Variants in PAN3 observed in about 807,000 individuals in gnomAD.
PAN3 encodes the protein PAN2-PAN3 deadenylation complex subunit PAN3.
In PAN3, 19 loss-of-function variants were observed where a neutral mutation model predicts 96.2. The ratio of observed to expected loss-of-function variants is 0.20; its 90% CI spans 0.14 to 0.29. The LOEUF (loss-of-function observed/expected upper bound fraction) is 0.29. Ranked by LOEUF, PAN3 falls within the 10% of genes least tolerant of loss-of-function variation. The probability of loss-of-function intolerance (pLI) is 1.00; values close to 1 mark genes in which losing one functional copy is unlikely to be tolerated. For synonymous variants in PAN3, 433 were observed against 406.6 expected (o/e 1.06, Z -0.78); for missense variants, 882 against 1,108.1 (o/e 0.80, Z 2.90).
At chr13:28,154,294 A>C (rs911409709) in intron 1 of PAN3, among the ~76,000 whole-genome samples, 1 of 152,146 alleles carries the variant, frequency 6.6e-6, no homozygotes, top group Non-Finnish European at 1.5e-5. Context: ...AAAATAGTGT[A>C]CTGTATACAC....
At chr13:28,275,275 C>T (rs1359921865) in intron 14 of PAN3, among the ~76,000 whole-genome samples, 4 of 152,052 alleles carry the variant, frequency 2.6e-5, no homozygotes, top group South Asian at 2.1e-4. Flanking sequence ...ACCTTGAGTC[C>T]GCTTTAGAGA....
intron 2 of PAN3, among the ~76,000 whole-genome samples, chr13:28,174,632 G>A (rs970295034): frequency 6.6e-6 from 1 of 152,124 alleles, no homozygotes; most frequent in South Asian, 2.1e-4. Flanking sequence ...GGTAGTTAGA[G>A]ACTAATTTCA....
In PAN3 at chr13:28,270,571, A is replaced by G. The variant is rs138606822; in HGVS notation, c.1793-130A>G. On this transcript the variant is annotated intron_variant, in intron 12 of 18. Coordinates refer to ENST00000380958, the MANE Select transcript of PAN3 (RefSeq NM_175854.8). ...AAACTTAAATTACACACATACATAC[A>G]CACACATATATAAATTGACATGTTG... 4.8e-3 allele frequency: 4,329 copies of G among 910,710 alleles called. 22 individuals carry two copies. Among genetic ancestry groups the G allele is most frequent in the South Asian group, 6.8e-3 (362 of 52,978 alleles). The allele number at this position is 910,710 out of a possible 1,614,324, so 56.4% of individuals were successfully genotyped here.
rs71086840 is a variant in PAN3 at position 28,239,162 on chromosome 13, A to AACACACACACAC, written c.1001-17115_1001-17104dup. Among the ~76,000 whole-genome samples, 345 of 76,814 alleles carry AACACACACACAC rather than the reference A, an allele frequency of 4.5e-3. 6 individuals carry two copies. Among genetic ancestry groups the AACACACACACAC allele is most frequent in the Non-Finnish European group, 4.4e-3 (182 of 41,440 alleles). The allele number at this position is 76,814 out of a possible 152,430, so 50.4% of individuals were successfully genotyped here. ...ACCCCCCCCACCCCCCACCCCCGCCAACACACACACACACACACACACACA... is the reference window on the plus strand; with the variant it reads ...ACCCCCCCCACCCCCCACCCCCGCCAACACACACACACACACACACACACACACACACACACA... On this transcript the variant is annotated intron_variant, in intron 6 of 18. Coordinates refer to ENST00000380958, the MANE Select transcript of PAN3 (RefSeq NM_175854.8).
At position 28,272,058 on chromosome 13, in the gene PAN3, T is replaced by C; in HGVS notation, c.2036T>C (p.Met679Thr). 6.4e-7 allele frequency: 1 copy of C among 1,573,608 alleles called. No individual in the cohort carries two copies. Among genetic ancestry groups the C allele is most frequent in the African/African-American group, 1.4e-5 (1 of 73,968 alleles). Residue 679 changes from methionine to threonine, a missense_variant, in exon 14 of 19, where the codon ATG becomes ACG. Met to Thr is a moderately conservative substitution (Grantham distance 81). Around this residue, in one of 3 missense-constraint regions of PAN3, gnomAD observed 364 missense variants for 513.6 expected, o/e 0.71. Transcript: ENST00000380958. ...NSQNNNPLAL[M>T]AQYQQADLIS... ...CAAAATAATAATCCATTGGCATTAATGGCCCAGTACCAGGTGAGTAAGAAT... is the reference window on the plus strand; with the variant it reads ...CAAAATAATAATCCATTGGCATTAACGGCCCAGTACCAGGTGAGTAAGAAT...
At chr13:28,246,794 G>A (rs1437780081) in intron 6 of PAN3, among the ~76,000 whole-genome samples, 3 of 151,982 alleles carry the variant, frequency 2.0e-5, no homozygotes, top group African/African-American at 7.2e-5. Flanking sequence ...TCTATTGTAT[G>A]TATGTACCAC....
intron 1 of PAN3, among the ~76,000 whole-genome samples, chr13:28,140,468 C>T (rs1369186124): frequency 6.6e-6 from 1 of 152,170 alleles, no homozygotes; most frequent in Non-Finnish European, 1.5e-5. Flanking sequence ...TTTTCTTAAA[C>T]ACTGTTAATG....
At chr13:28,141,504 G>T (rs1322663755) in intron 1 of PAN3, among the ~76,000 whole-genome samples, 91 of 54,988 alleles carry the variant, frequency 1.7e-3, no homozygotes, top group Middle Eastern at 0.04. Flanking sequence ...TTTCACTCTT[G>T]TTTACGAGGC....
intron 4 of PAN3, among the ~76,000 whole-genome samples, chr13:28,194,471 T>A (rs1441162982): frequency 0.047 from 5,474 of 117,236 alleles, 66 homozygotes; most frequent in African/African-American, 0.082. Flanking sequence ...TATATATTTT[T>A]TTTTTTTTTT....
intron 15 of PAN3, among the ~76,000 whole-genome samples, chr13:28,279,570 C>T (rs898185462): frequency 1.3e-5 from 2 of 151,614 alleles, no homozygotes; most frequent in African/African-American, 4.8e-5. Flanking sequence ...CCATCCTGGC[C>T]AACATGGTGA....
rs1437181173 is a variant in PAN3, at chr13:28,176,371, A to G, written c.553-122A>G. On this transcript the variant is annotated intron_variant, in intron 2 of 18. Transcript: ENST00000380958. ...GCAGTAACACTTACAGGAAGATTAG[A>G]TTGTCAGTAATGTGAACAGTAGATT... is the stretch of plus-strand genomic sequence containing the variant. The G allele has an allele frequency of 7.1e-6, 6 of 844,746 alleles. No homozygotes were observed. In the East Asian group the frequency reaches 1.0e-4, roughly 14 times the overall value. The allele number at this position is 844,746 out of a possible 1,614,324, so 52.3% of individuals were successfully genotyped here.
rs1319028547 is a variant in PAN3 at position 28,288,394 on chromosome 13, G to A, written c.2523+272G>A. Among the ~76,000 whole-genome samples the A allele has an allele frequency of 2.0e-5, 3 of 152,094 alleles. No homozygotes were observed. In the South Asian group the frequency reaches 6.2e-4, roughly 31 times the overall value. On this transcript the variant is annotated intron_variant, in intron 18 of 18. Coordinates refer to ENST00000380958, the MANE Select transcript of PAN3 (RefSeq NM_175854.8). The stretch of plus-strand genomic sequence containing the variant: ...GGCTCACTGCAACCTCTGCCTCCCG[G>A]GTTCAAGTGATTCTCCTGCCTGAGC...
intron 7 of PAN3, among the ~76,000 whole-genome samples, chr13:28,257,847 A>G (rs1196733621): frequency 2.7e-5 from 4 of 148,332 alleles, no homozygotes; most frequent in African/African-American, 5.0e-5. Context: ...GATGTTCGCT[A>G]TTTCACCCAG....
In PAN3 at chr13:28,174,299, C is replaced by T; in HGVS notation, c.458C>T (p.Thr153Ile). Residue 153 changes from threonine to isoleucine, a missense_variant, in exon 2 of 19, where the codon ACT (threonine) becomes ATT (isoleucine). Coordinates refer to ENST00000380958, the MANE Select transcript of PAN3 (RefSeq NM_175854.8). ...AIPGMDGGAL[T>I]DTSLTDSYFS... is the part of the protein sequence containing the mutation. The stretch of plus-strand genomic sequence containing the variant: ...CCAGGAATGGATGGAGGTGCTTTAA[C>T]TGATACAAGTCTCACAGATTCCTAT... 1.2e-6 allele frequency: 2 copies of T among 1,612,792 alleles called. No individual in the cohort carries two copies. The highest frequency in any genetic ancestry group is 1.7e-6 in the Non-Finnish European group (2 of 1,178,896).
chr13:28,172,811 C>G lies in PAN3; in HGVS notation c.431-1461C>G, dbSNP rs1003165263. On this transcript the variant is annotated intron_variant, in intron 1 of 18. Transcript: ENST00000380958. ...GCATAGTGGCCCTGTAATCCCAACA[C>G]TTATAGAGGCTGAGATGAGAGGATC... Among the ~76,000 whole-genome samples the G allele has an allele frequency of 2.2e-4, 33 of 152,130 alleles. 1 individual carries two copies. Among genetic ancestry groups the G allele is most frequent in the Admixed American group, 2.2e-3 (33 of 15,280 alleles).
intron 7 of PAN3, among the ~76,000 whole-genome samples, chr13:28,259,385 C>G (rs1434928428): frequency 6.6e-6 from 1 of 151,622 alleles, no homozygotes; most frequent in Non-Finnish European, 1.5e-5. Flanking sequence ...TGGTGCACTG[C>G]AACCTCCACC....
intron 5 of PAN3, 92 bp from the exon 6 acceptor site, chr13:28,220,139 A>T: frequency 2.4e-5 from 28 of 1,185,312 alleles, no homozygotes; most frequent in Non-Finnish European, 2.9e-5. Flanking sequence ...TATTTTACTT[A>T]GTAAATAAAG....
intron 1 of PAN3, among the ~76,000 whole-genome samples, chr13:28,161,326 C>G (rs1392237173): frequency 6.6e-6 from 1 of 152,082 alleles, no homozygotes; most frequent in Non-Finnish European, 1.5e-5. Flanking sequence ...TGTCTTTCCC[C>G]TTAGCTTTTG....
At chr13:28,146,587 CTA>C (rs1870686740) in intron 1 of PAN3, among the ~76,000 whole-genome samples, 1 of 152,138 alleles carries the variant, frequency 6.6e-6, no homozygotes, top group Admixed American at 6.6e-5. Context: ...GTGATATGGT[CTA>C]TAACCTGTTG....
Sources: allele counts gnomAD v4.1 joint callset (sites outside exome capture counted in the v4.1 genomes callset), GRCh38; gene constraint gnomAD v4.1.1; regional missense constraint gnomAD v4.1.1; transcripts MANE v1.5; gene names NCBI Gene and HGNC (gene_info 2026-07-23, HGNC 2026-07-21).